Variants in ANKRD44 observed in about 807,000 individuals in gnomAD.
The protein encoded by ANKRD44 is ankyrin repeat domain 44, also known as serine/threonine-protein phosphatase 6 regulatory ankyrin repeat subunit B.
In ANKRD44, 35 loss-of-function variants were observed where a neutral mutation model predicts 116.0. That is an observed-to-expected ratio of 0.30 (90% CI 0.23 to 0.40). ANKRD44 has a LOEUF of 0.40. Among genes scored for constraint, ANKRD44 ranks in the 10% least tolerant of loss-of-function variants. The pLI is 1.00. For missense variants in ANKRD44, 1,014 were observed against 1,242.6 expected, an observed-to-expected ratio of 0.82 and a Z score of 2.77; for synonymous variants, 435 against 461.8, an observed-to-expected ratio of 0.94 and a Z score of 0.74.
intron 16 of ANKRD44, among the ~76,000 whole-genome samples, chr2:197,075,067 AG>A (rs1442334368): frequency 2.6e-5 from 4 of 152,164 alleles, no homozygotes; most frequent in Admixed American, 6.5e-5. Context: ...GATTCAGAGA[AG>A]CAGCCAAATT....
intron 16 of ANKRD44, among the ~76,000 whole-genome samples, chr2:197,040,176 T>C (rs2076883883): frequency 1.3e-5 from 2 of 151,232 alleles, no homozygotes; most frequent in South Asian, 4.2e-4. Context: ...GAGGTAGAGG[T>C]TGCATTGAGC....
In ANKRD44 at chr2:196,993,662, G is replaced by A. The variant is rs374039132; in HGVS notation, c.2844C>T (p.Val948=). The A allele has an allele frequency of 5.3e-5, 82 of 1,550,782 alleles. 1 individual carries two copies. Among genetic ancestry groups the A allele is most frequent in the South Asian group, 1.5e-4 (13 of 84,048 alleles). ...CCACCTTTAAGCCATTGCGCGCAGC[G>A]ACGTGGAGGGGTCTAAAAAACACAA... ...KNNALQTPLH[V]AARNGLKVVV... Residue 948 remains valine, a synonymous_variant, in exon 27 of 28, where the codon GTC becomes GTT. Transcript: ENST00000282272.
intron 1 of ANKRD44, among the ~76,000 whole-genome samples, chr2:197,294,594 C>T (rs368036642): frequency 3.3e-5 from 5 of 152,288 alleles, no homozygotes; most frequent in Admixed American, 6.5e-5. Context: ...ACCACCCCTC[C>T]GCCCCAACAC....
At chr2:197,078,606 G>T in intron 16 of ANKRD44, 97 bp downstream of exon 16, 1 of 1,540,330 alleles carries the variant, frequency 6.5e-7, no homozygotes, top group Non-Finnish European at 8.8e-7. Flanking sequence ...TTTTACACAA[G>T]CCAGAGCTAC....
At chr2:197,072,832 C>A (rs1457824401) in intron 16 of ANKRD44, among the ~76,000 whole-genome samples, 1 of 152,164 alleles carries the variant, frequency 6.6e-6, no homozygotes, top group Non-Finnish European at 1.5e-5. Context: ...CATTTATTCT[C>A]TTTTTCCCTA....
At chr2:197,157,483 T>C (rs907092424) in intron 2 of ANKRD44, among the ~76,000 whole-genome samples, 2 of 152,050 alleles carry the variant, frequency 1.3e-5, no homozygotes, top group African/African-American at 4.8e-5. Flanking sequence ...GAGACCAGCC[T>C]GGCCAACATG....
At chr2:197,214,512 G>T (rs779298458) in intron 1 of ANKRD44, among the ~76,000 whole-genome samples, 1 of 152,092 alleles carries the variant, frequency 6.6e-6, no homozygotes, top group African/African-American at 2.4e-5. Flanking sequence ...TAAAGAGGAA[G>T]AGTAAGAGAA....
chr2:197,034,050 T>TAGAGAGAGAGAGAGAGAG (rs60018972), intron 16 of ANKRD44, among the ~76,000 whole-genome samples: 2,021 of 110,582 alleles, frequency 0.018, 150 homozygotes, highest in Admixed American at 0.031. Context: ...ATATGAGGGC[T>TAGAGAGAGAGAGAGAGAG]AGAGAGAGAG....
At chr2:197,233,461 CA>C (rs1244698515) in intron 1 of ANKRD44, among the ~76,000 whole-genome samples, 2 of 151,958 alleles carry the variant, frequency 1.3e-5, no homozygotes, top group Admixed American at 6.6e-5. Context: ...TTTCTTCAGC[CA>C]ATATCTGAAG....
At chr2:196,997,807 T>TG (rs941637967) in intron 25 of ANKRD44, among the ~76,000 whole-genome samples, 2 of 75,926 alleles carry the variant, frequency 2.6e-5, no homozygotes, top group Non-Finnish European at 7.7e-5. Flanking sequence ...CACCACTATT[T>TG]GAAAAAAAAA....
At chr2:197,128,558 CTG>C (rs1456694609) in intron 4 of ANKRD44, among the ~76,000 whole-genome samples, 1 of 152,140 alleles carries the variant, frequency 6.6e-6, no homozygotes, top group Non-Finnish European at 1.5e-5. Flanking sequence ...GATGGATAGA[CTG>C]TAAAAATATT....
At chr2:197,165,246 A>C (rs1455183134) in intron 2 of ANKRD44, among the ~76,000 whole-genome samples, 1 of 152,238 alleles carries the variant, frequency 6.6e-6, no homozygotes, top group African/African-American at 2.4e-5. Context: ...AAGAGGAAGG[A>C]GAATATGTCC....
At chr2:197,145,921 T>C (rs1275361774) in intron 3 of ANKRD44, among the ~76,000 whole-genome samples, 1 of 152,012 alleles carries the variant, frequency 6.6e-6, no homozygotes, top group African/African-American at 2.4e-5. Context: ...CTCCCAAACA[T>C]AAAAGAGGAA....
At chr2:197,261,542 TAGAC>T (rs1400048857) in intron 1 of ANKRD44, among the ~76,000 whole-genome samples, 1 of 115,094 alleles carries the variant, frequency 8.7e-6, no homozygotes, top group African/African-American at 3.3e-5. Context: ...GTAAAAAAGA[TAGAC>T]AATCTTTTCT....
intron 1 of ANKRD44, among the ~76,000 whole-genome samples, chr2:197,248,512 ATAATT>A (rs1016883828): frequency 6.6e-5 from 10 of 150,942 alleles, no homozygotes; most frequent in Non-Finnish European, 1.2e-4. Flanking sequence ...TTGATTCCTT[ATAATT>A]TAAATACATA....
chr2:197,232,580 T>C (rs1321137573), intron 1 of ANKRD44, among the ~76,000 whole-genome samples: 1 of 152,210 alleles, frequency 6.6e-6, no homozygotes, highest in Non-Finnish European at 1.5e-5. Context: ...TAATTAACAA[T>C]TGTTTTTGAA....
intron 16 of ANKRD44, among the ~76,000 whole-genome samples, chr2:197,070,164 T>C (rs962365353): frequency 6.6e-6 from 1 of 152,176 alleles, no homozygotes; most frequent in African/African-American, 2.4e-5. Flanking sequence ...ATTTTCTATG[T>C]AGACAATGAT....
intron 2 of ANKRD44, among the ~76,000 whole-genome samples, chr2:197,154,381 A>G (rs2712876): frequency 7.3e-6 from 1 of 137,170 alleles, no homozygotes; most frequent in East Asian, 2.2e-4. Context: ...GGGTTTCACC[A>G]TGTTAGCCAG....
chr2:196,983,407 AG>A (rs546553418), downstream of ANKRD44, among the ~76,000 whole-genome samples: 1 of 152,272 alleles, frequency 6.6e-6, no homozygotes, highest in South Asian at 2.1e-4. Flanking sequence ...TTCTGTTCCT[AG>A]AACATAACAA....
Sources: gnomAD v4.1 joint callset for allele counts (sites outside exome capture counted in the v4.1 genomes callset) on GRCh38, gnomAD v4.1.1 for gene constraint, MANE v1.5 for transcripts, NCBI Gene and HGNC (gene_info 2026-07-23, HGNC 2026-07-21) for gene names.